The following DNAH2 variants were observed in gnomAD, a reference collection of about 807,000 sequenced individuals.
DNAH2 encodes the protein dynein axonemal heavy chain 2.
A neutral mutation model predicts 523.5 loss-of-function variants in DNAH2; 323 were observed. The ratio of observed to expected loss-of-function variants is 0.62; its 90% CI spans 0.56 to 0.68. DNAH2 has a LOEUF of 0.68. DNAH2 is among the 30% of genes least tolerant of loss of function. The pLI, the probability that DNAH2 is intolerant of heterozygous loss-of-function variation, is 0.00. For synonymous variants in DNAH2, 2,093 were observed against 2,177.4 expected (o/e 0.96, Z 1.08); for missense variants, 4,907 against 5,701.5 (o/e 0.86, Z 4.49).
intron 63 of DNAH2, among the ~76,000 whole-genome samples, chr17:7,811,344 TC>T (rs995111163): frequency 6.6e-6 from 1 of 152,122 alleles, no homozygotes; most frequent in African/African-American, 2.4e-5. Flanking sequence ...CAAACTAAAG[TC>T]CAAAGAAATG....
At position 7,780,319 on chromosome 17, in the gene DNAH2, A is replaced by G. The variant is rs554508642; in HGVS notation, c.5850+35A>G. On this transcript the variant is annotated intron_variant, in intron 37 of 85. Coordinates refer to ENST00000572933, the MANE Select transcript of DNAH2 (RefSeq NM_020877.5). The surrounding 1 kb of genome is among the most constrained non-coding windows in gnomAD (Gnocchi z 4.4). Reference sequence around the variant, plus strand: ...TAACCCCTTTTCTCCAGTGATTTTAATTTCCTTTCATAATTATTCCCTGGA... The same window carrying G: ...TAACCCCTTTTCTCCAGTGATTTTAGTTTCCTTTCATAATTATTCCCTGGA... The G allele has an allele frequency of 6.2e-7, 1 of 1,613,370 alleles. No individual in the cohort carries two copies. The highest frequency in any genetic ancestry group is 2.2e-5 in the East Asian group (1 of 44,870).
chr17:7,722,191 G>C (rs1007880239), intron 2 of DNAH2, among the ~76,000 whole-genome samples: 61 of 99,666 alleles, frequency 6.1e-4, no homozygotes, highest in Middle Eastern at 4.7e-3. Context: ...TAGAGACGGG[G>C]GGGGGGGTTC....
chr17:7,723,782 T>C, intron 3 of DNAH2, 93 bp downstream of exon 3: 1 of 1,086,606 alleles, frequency 9.2e-7, no homozygotes, highest in South Asian at 1.3e-5. Flanking sequence ...AATTCTCTCT[T>C]GTCTGCCACT....
chr17:7,816,460 A>T, intron 63 of DNAH2, 111 bp from the exon 64 acceptor site: 1 of 1,306,052 alleles, frequency 7.7e-7, no homozygotes, highest in Non-Finnish European at 1.1e-6. Context: ...AAAGAGATTA[A>T]TTTAACAAAG....
At chr17:7,745,629 CA>C (rs1425415601) in intron 12 of DNAH2, among the ~76,000 whole-genome samples, 2 of 150,748 alleles carry the variant, frequency 1.3e-5, no homozygotes, top group African/African-American at 4.9e-5. Context: ...TCAGTGGGGG[CA>C]TAAACAAAAA....
At chr17:7,800,409 C>G (rs1324111590) in intron 56 of DNAH2, among the ~76,000 whole-genome samples, 1 of 152,096 alleles carries the variant, frequency 6.6e-6, no homozygotes, top group Non-Finnish European at 1.5e-5. Context: ...CAAGGTTCAT[C>G]CATGTTGTAG....
At chr17:7,791,583 C>A (rs998958823) in intron 44 of DNAH2, among the ~76,000 whole-genome samples, 1 of 152,176 alleles carries the variant, frequency 6.6e-6, no homozygotes, top group Non-Finnish European at 1.5e-5. Context: ...TTTGCAATTA[C>A]AAACAAGTCA....
chr17:7,757,759 T>C (rs908026598), intron 13 of DNAH2, among the ~76,000 whole-genome samples: 46 of 152,168 alleles, frequency 3.0e-4, no homozygotes, highest in African/African-American at 1.1e-3. Context: ...TGGGGGCTGG[T>C]GAGTCCAAGA....
At chr17:7,812,556 T>G (rs947646381) in intron 63 of DNAH2, among the ~76,000 whole-genome samples, 2 of 151,556 alleles carry the variant, frequency 1.3e-5, no homozygotes, top group Non-Finnish European at 2.9e-5. Flanking sequence ...AGGTTGAGGG[T>G]GCAGTGAGCT....
chr17:7,794,003 T>C (rs2076994269), intron 48 of DNAH2, among the ~76,000 whole-genome samples: 1 of 152,176 alleles, frequency 6.6e-6, no homozygotes, highest in South Asian at 2.1e-4. Flanking sequence ...TTTGGGTACA[T>C]GGATTATAAG....
At position 7,719,882 on chromosome 17, in the gene DNAH2, C is replaced by T. The variant is rs1359783975; in HGVS notation, c.148C>T (p.Leu50Phe). 1.0e-5 allele frequency: 16 copies of T among 1,568,268 alleles called. No individual in the cohort carries two copies. Among genetic ancestry groups the T allele is most frequent in the Non-Finnish European group, 1.3e-5 (15 of 1,158,000 alleles). Residue 50 changes from leucine (L) to phenylalanine (F), a missense_variant, in exon 2 of 86, where the codon CTC becomes TTC. Transcript: ENST00000572933. ...AVSEPELQAE[L>F]PKEEPEPRLE... ...CAGTGAGCCAGAGCTGCAGGCTGAG[C>T]TCCCCAAGGAGGAGCCTGGTGGGTA...
At chr17:7,746,698 A>G (rs2075525842) in intron 12 of DNAH2, among the ~76,000 whole-genome samples, 1 of 152,198 alleles carries the variant, frequency 6.6e-6, no homozygotes, top group South Asian at 2.1e-4. Flanking sequence ...AGAAGTATGT[A>G]AAGAAATGGC....
At chr17:7,737,533 C>A (rs995792613) in intron 8 of DNAH2, among the ~76,000 whole-genome samples, 2 of 152,174 alleles carry the variant, frequency 1.3e-5, no homozygotes, top group Non-Finnish European at 2.9e-5. Flanking sequence ...GGGGAAGCAG[C>A]AGGAAGAACA....
At chr17:7,813,887 G>T (rs1373486695) in intron 63 of DNAH2, among the ~76,000 whole-genome samples, 1 of 148,632 alleles carries the variant, frequency 6.7e-6, no homozygotes, top group African/African-American at 2.5e-5. Context: ...CAGCCTGGGC[G>T]ACAGTGTGAG....
chr17:7,771,809 C>T (rs533004399), intron 28 of DNAH2, among the ~76,000 whole-genome samples: 5 of 152,072 alleles, frequency 3.3e-5, no homozygotes, highest in East Asian at 1.9e-4. Flanking sequence ...CTCTGCCTCC[C>T]GGGTTCAAAT....
In DNAH2 at chr17:7,777,042, G is replaced by T. The variant is rs187883235; in HGVS notation, c.5058+153G>T. On this transcript the variant is annotated intron_variant, in intron 32 of 85. Coordinates refer to ENST00000572933, the MANE Select transcript of DNAH2 (RefSeq NM_020877.5). ...TTACCAAAAAATACAAAAATTAGCT[G>T]GTGGCACACCCAGGAGGTTGAGGCT... Among the ~76,000 whole-genome samples, 15 of 151,482 alleles carry T rather than the reference G, an allele frequency of 9.9e-5. No homozygotes were observed. The East Asian group carries it at 2.9e-3, about 29-fold the overall frequency.
chr17:7,798,264 G>A lies in DNAH2; in HGVS notation c.8338G>A (p.Asp2780Asn), dbSNP rs779702957. ...SLARLASSIC[D>N]YTTFQIEVTK... ...GGCCCGCCTGGCTTCATCCATCTGC[G>A]ACTACACCACCTTCCAGATCGAGGT... Residue 2780 changes from aspartate to asparagine, a missense_variant, in exon 54 of 86, where the codon GAC (aspartate) becomes AAC (asparagine). Transcript: ENST00000572933. This position sits in a 1 kb window ranked among gnomAD's most constrained non-coding sequence, Gnocchi z 5.5. 201 of 1,613,712 alleles carry A rather than the reference G, an allele frequency of 1.2e-4. No individual in the cohort carries two copies. Among genetic ancestry groups the A allele is most frequent in the Non-Finnish European group, 1.5e-4 (177 of 1,179,832 alleles).
In DNAH2 at chr17:7,733,069, C is replaced by T; in HGVS notation, c.400-18C>T. ...CTGGGCCTGGAGACTGAACTCTGAT[C>T]TGCTGTCTTCCATGCAGACCCAGAA... On this transcript the variant is annotated intron_variant, in intron 4 of 85. Transcript: ENST00000572933. The T allele has an allele frequency of 6.2e-7, 1 of 1,612,336 alleles. No individual in the cohort carries two copies. The highest frequency in any genetic ancestry group is 8.5e-7 in the Non-Finnish European group (1 of 1,178,848).
intron 2 of DNAH2, among the ~76,000 whole-genome samples, chr17:7,721,319 G>A (rs1313545781): frequency 7.2e-5 from 11 of 152,158 alleles, no homozygotes; most frequent in South Asian, 2.1e-4. Flanking sequence ...GATTACAGGC[G>A]TGTGCCACCA....
Sources: gnomAD v4.1 joint callset for allele counts (sites outside exome capture counted in the v4.1 genomes callset) on GRCh38, gnomAD v4.1.1 for gene constraint, Gnocchi (gnomAD v3.1) non-coding constraint, MANE v1.5 for transcripts, NCBI Gene and HGNC (gene_info 2026-07-23, HGNC 2026-07-21) for gene names.